GPSM1: variants seen among roughly 807,000 people sequenced by gnomAD.
The protein encoded by GPSM1 is G protein-signaling modulator 1.
Under a neutral mutation model 70.5 loss-of-function variants are expected in GPSM1, and 48 were observed. The ratio of observed to expected loss-of-function variants is 0.68; its 90% CI spans 0.54 to 0.87. GPSM1 has a LOEUF of 0.87. GPSM1 is among the 40% of genes least tolerant of loss of function. The pLI is 0.00. For synonymous variants in GPSM1, 416 were observed against 430.1 expected, an observed-to-expected ratio of 0.97 and a Z score of 0.41; for missense variants, 981 against 972.6, an observed-to-expected ratio of 1.01 and a Z score of -0.11.
intron 12 of GPSM1, 144 bp from the exon 13 acceptor site, chr9:136,356,198 A>T (rs1832816752): frequency 1.5e-6 from 1 of 678,718 alleles, no homozygotes; most frequent in Non-Finnish European, 2.4e-6. Context: ...TAGGCCGGTC[A>T]GCGGAGACTC....
Position 136,358,237 on chromosome 9 carries a change from C to T in GPSM1, c.*17C>T. ...GCGAGCTAAGGCCCTGTGCCCACCGCCAGGCCCACCCTGCCCCCACTCCTG... is the reference window on the plus strand; with the variant it reads ...GCGAGCTAAGGCCCTGTGCCCACCGTCAGGCCCACCCTGCCCCCACTCCTG... On this transcript the variant is annotated 3_prime_UTR_variant, in exon 14 of 14. Coordinates refer to ENST00000440944, the MANE Select transcript of GPSM1 (RefSeq NM_001145638.3). 6.5e-7 allele frequency: 1 copy of T among 1,528,188 alleles called. No homozygotes were observed. Among genetic ancestry groups the T allele is most frequent in the South Asian group, 1.2e-5 (1 of 84,428 alleles). The allele number at this position is 1,528,188 out of a possible 1,614,324, so 94.7% of individuals were successfully genotyped here. A position where few individuals can be genotyped will look rare whatever the true frequency, so the allele number is the denominator to read the frequency against.
At chr9:136,339,594 CT>C (rs1229773060) in intron 7 of GPSM1, 112 bp from the exon 8 acceptor site, 1 of 723,120 alleles carries the variant, frequency 1.4e-6, no homozygotes. Flanking sequence ...CTGGGGGCCC[CT>C]GATGACCCTC....
At chr9:136,338,270 C>G (rs1299281476) in intron 6 of GPSM1, among the ~76,000 whole-genome samples, 1 of 152,222 alleles carries the variant, frequency 6.6e-6, no homozygotes, top group Non-Finnish European at 1.5e-5. Context: ...TTAACCCCAT[C>G]TCAGCCTGAG....
chr9:136,351,449 C>T (rs28635228), intron 11 of GPSM1, among the ~76,000 whole-genome samples: 86,273 of 152,134 alleles, frequency 0.57, 24,570 homozygotes, highest in Middle Eastern at 0.7. Context: ...CTGCCCATCA[C>T]ATCTGGGCCG....
In GPSM1 at chr9:136,338,609, C is replaced by T; in HGVS notation, c.873C>T (p.Ala291=). 1.9e-6 allele frequency: 3 copies of T among 1,610,402 alleles called. No individual in the cohort carries two copies. Among genetic ancestry groups the T allele is most frequent in the Non-Finnish European group, 2.5e-6 (3 of 1,179,182 alleles). ...QLRDQAVEAQ[A]CYSLGNTYTL... is the part of the protein sequence containing the mutation. Reference sequence around the variant, plus strand: ...GGGACCAGGCAGTGGAGGCGCAGGCCTGCTACAGTCTGGGCAACACCTACA... The same window carrying T: ...GGGACCAGGCAGTGGAGGCGCAGGCTTGCTACAGTCTGGGCAACACCTACA... Residue 291 remains alanine (A), a synonymous_variant, in exon 7 of 14, where the codon GCC becomes GCT. Transcript: ENST00000440944.
At position 136,358,261 on chromosome 9, in the gene GPSM1, T is replaced by C. The variant is rs945955333; in HGVS notation, c.*41T>C. 7 of 1,471,874 alleles carry C rather than the reference T, an allele frequency of 4.8e-6. No individual in the cohort carries two copies. The African/African-American group carries it at 9.8e-5, about 21-fold the overall frequency. The allele number at this position is 1,471,874 out of a possible 1,614,324, so 91.2% of individuals were successfully genotyped here. On this transcript the variant is annotated 3_prime_UTR_variant, in exon 14 of 14. Transcript: ENST00000440944. Reference sequence around the variant, plus strand: ...GCCAGGCCCACCCTGCCCCCACTCCTGGACGCCGGTCTCACAGTCACAGCC... The same window carrying C: ...GCCAGGCCCACCCTGCCCCCACTCCCGGACGCCGGTCTCACAGTCACAGCC...
In GPSM1 at chr9:136,331,902, C is replaced by G. The variant is rs2131391998; in HGVS notation, c.69-2545C>G. Reference sequence around the variant, plus strand: ...CCCGCCGAGCTTTAAACCCACCATCCTGGAGGTCAGAGGGCAGGGAAGCCT... The same window carrying G: ...CCCGCCGAGCTTTAAACCCACCATCGTGGAGGTCAGAGGGCAGGGAAGCCT... On this transcript the variant is annotated intron_variant, in intron 1 of 13. Transcript: ENST00000440944. 1.5e-5 allele frequency: 6 copies of G among 397,478 alleles called. No individual in the cohort carries two copies. The East Asian group carries it at 2.1e-4, about 14-fold the overall frequency. The allele number at this position is 397,478 out of a possible 1,614,324, so 24.6% of individuals were successfully genotyped here. A position where few individuals can be genotyped will look rare whatever the true frequency, so the allele number is the denominator to read the frequency against.
chr9:136,355,668 G>A (rs200014496), intron 11 of GPSM1, 22 bp from the exon 12 acceptor site: 109 of 1,608,246 alleles, frequency 6.8e-5, no homozygotes, highest in Non-Finnish European at 8.4e-5. Context: ...CTTTGGCTGC[G>A]GTGACCCCAC....
chr9:136,332,792 G>A (rs1832132324), intron 1 of GPSM1, among the ~76,000 whole-genome samples: 1 of 147,940 alleles, frequency 6.8e-6, no homozygotes, highest in Non-Finnish European at 1.5e-5. Context: ...CTTGAGCTCA[G>A]GAGTTTGAGA....
chr9:136,337,187 G>T, intron 4 of GPSM1, 115 bp downstream of exon 4: 1 of 1,117,306 alleles, frequency 9.0e-7, no homozygotes. Flanking sequence ...TCCCAGGGCA[G>T]TGACGGCCAG....
intron 11 of GPSM1, chr9:136,354,738 G>T (rs1002796423): frequency 4.3e-5 from 35 of 804,956 alleles, no homozygotes; most frequent in African/African-American, 1.3e-4. Flanking sequence ...CCTTGTTTGG[G>T]TGTGTGGACT....
Position 136,327,652 on chromosome 9 carries a change from G to T in GPSM1, c.-44G>T, listed in dbSNP as rs1231335545. The stretch of plus-strand genomic sequence containing the variant: ...GGGCGGGCAGGGGGCGGACGGCCAC[G>T]GCGCGGGGGGCGCTCCCGGCTCCCG... On this transcript the variant is annotated 5_prime_UTR_variant, in exon 1 of 14. Transcript: ENST00000440944. 1.6e-5 allele frequency: 11 copies of T among 707,204 alleles called. No homozygotes were observed. The highest frequency in any genetic ancestry group is 1.8e-5 in the Non-Finnish European group (10 of 558,572). 43.8% of individuals were successfully genotyped at this position (707,204 alleles called of 1,614,324 possible).
intron 4 of GPSM1, 44 bp downstream of exon 4, chr9:136,337,116 C>T (rs1375001695): frequency 1.3e-5 from 20 of 1,488,738 alleles, no homozygotes; most frequent in African/African-American, 2.8e-5. Context: ...CTGGCCTGTG[C>T]GTTTCTGAGC....
rs1554770189 is a variant in GPSM1 at position 136,341,044 on chromosome 9, A to C, written c.1207+51A>C. On this transcript the variant is annotated intron_variant, in intron 9 of 13. Transcript: ENST00000440944. This position sits in a 1 kb window ranked among gnomAD's most constrained non-coding sequence, Gnocchi z 6.7. ...CTTGCTCCCCACAGGCACGGACCGC[A>C]TCAGGAGCTGCGGAGGGGTGGGATC... 6.4e-6 allele frequency: 10 copies of C among 1,558,380 alleles called. No individual in the cohort carries two copies. Among genetic ancestry groups the C allele is most frequent in the Non-Finnish European group, 8.7e-6 (10 of 1,151,530 alleles).
intron 12 of GPSM1, 106 bp downstream of exon 12, chr9:136,355,952 G>A (rs1832807845): frequency 1.1e-6 from 1 of 942,384 alleles, no homozygotes; most frequent in Non-Finnish European, 1.6e-6. Context: ...CAGACCAGCA[G>A]GCCAGCTGCA....
rs1393593776 is a variant in GPSM1, at chr9:136,349,577, C to T, written c.1279-10C>T. The T allele has an allele frequency of 6.5e-7, 1 of 1,549,312 alleles. No homozygotes were observed. Among genetic ancestry groups the T allele is most frequent in the Non-Finnish European group, 8.7e-7 (1 of 1,146,212 alleles). ...TTGCCCAGGCCACGCACAGCCTTAC[C>T]CCTCCCCAGGAGCAGAATGGAGACA... On this transcript the variant is annotated splice_polypyrimidine_tract_variant and intron_variant, in intron 10 of 13. Coordinates refer to ENST00000440944, the MANE Select transcript of GPSM1 (RefSeq NM_001145638.3).
chr9:136,334,684 C>A lies in GPSM1; in HGVS notation c.290+16C>A. ...TGCTGGCGCGGTGAGTGGGGACGGT[C>A]CTGCTGGCGGGTGAGTGGGGCGGCC... On this transcript the variant is annotated intron_variant, in intron 2 of 13. Coordinates refer to ENST00000440944, the MANE Select transcript of GPSM1 (RefSeq NM_001145638.3). 6.3e-7 allele frequency: 1 copy of A among 1,599,788 alleles called. No homozygotes were observed. Among genetic ancestry groups the A allele is most frequent in the South Asian group, 1.1e-5 (1 of 90,770 alleles).
At chr9:136,347,941 C>T (rs1325347669) in intron 9 of GPSM1, among the ~76,000 whole-genome samples, 2 of 152,140 alleles carry the variant, frequency 1.3e-5, no homozygotes, top group Non-Finnish European at 1.5e-5. Context: ...CTGCCAGGGC[C>T]GTGTTGGGAC....
intron 11 of GPSM1, among the ~76,000 whole-genome samples, chr9:136,350,926 G>C (rs1170093838): frequency 2.0e-5 from 3 of 152,208 alleles, no homozygotes; most frequent in Non-Finnish European, 4.4e-5. Flanking sequence ...GACAGGCCGG[G>C]CCTGTGCCTG....
Sources: allele counts gnomAD v4.1 joint callset (sites outside exome capture counted in the v4.1 genomes callset), GRCh38; gene constraint gnomAD v4.1.1; non-coding constraint Gnocchi (gnomAD v3.1); transcripts MANE v1.5; gene names NCBI Gene and HGNC (gene_info 2026-07-23, HGNC 2026-07-21).